Variants in ADD3 observed in about 807,000 individuals in gnomAD.
ADD3 encodes adducin 3.
Under a neutral mutation model 80.2 loss-of-function variants are expected in ADD3, and 25 were observed. The observed-to-expected ratio is 0.31, with a 90% confidence interval of 0.23 to 0.44. The LOEUF (loss-of-function observed/expected upper bound fraction) is 0.44. Ranked by LOEUF, ADD3 falls within the 20% of genes least tolerant of loss-of-function variation. The probability of loss-of-function intolerance (pLI) is 1.00; values close to 1 mark genes in which losing one functional copy is unlikely to be tolerated. For synonymous variants in ADD3, 284 were observed against 289.6 expected, an observed-to-expected ratio of 0.98 and a Z score of 0.20; for missense variants, 829 against 847.5, an observed-to-expected ratio of 0.98 and a Z score of 0.27.
chr10:110,071,939 A>G (rs1844768942), intron 1 of ADD3, among the ~76,000 whole-genome samples: 1 of 152,224 alleles, frequency 6.6e-6, no homozygotes, highest in Admixed American at 6.5e-5. Context: ...TATTTCACTT[A>G]TCCCCAACCT....
At chr10:110,075,320 G>A (rs1845262278) in intron 1 of ADD3, among the ~76,000 whole-genome samples, 1 of 151,902 alleles carries the variant, frequency 6.6e-6, no homozygotes, top group South Asian at 2.1e-4. Context: ...CTCTGTGATT[G>A]GGGTGTTTTT....
At chr10:110,021,690 G>T (rs1400808368) in intron 1 of ADD3, among the ~76,000 whole-genome samples, 2 of 152,178 alleles carry the variant, frequency 1.3e-5, no homozygotes, top group African/African-American at 4.8e-5. Flanking sequence ...ATTAGTGGTT[G>T]TCAGGAGCTG....
chr10:110,099,629 G>A (rs1265250119), intron 1 of ADD3, among the ~76,000 whole-genome samples: 1 of 152,212 alleles, frequency 6.6e-6, no homozygotes, highest in Non-Finnish European at 1.5e-5. Flanking sequence ...AATATAAAAT[G>A]TTTGAAAGCC....
At chr10:110,055,854 C>G (rs1858124136) in intron 1 of ADD3, among the ~76,000 whole-genome samples, 1 of 152,150 alleles carries the variant, frequency 6.6e-6, no homozygotes, top group Admixed American at 6.5e-5. Context: ...TTACACAGCT[C>G]CTTCTAATCA....
intron 1 of ADD3, among the ~76,000 whole-genome samples, chr10:110,028,973 G>A (rs1176160797): frequency 1.3e-5 from 2 of 150,832 alleles, no homozygotes; most frequent in African/African-American, 2.4e-5. Flanking sequence ...TCCGCCTCCC[G>A]GGTTCAAGCA....
At chr10:110,033,105 T>C (rs1855247139) in intron 1 of ADD3, among the ~76,000 whole-genome samples, 1 of 152,222 alleles carries the variant, frequency 6.6e-6, no homozygotes. Flanking sequence ...GATTATATAA[T>C]GTGTGTGAGC....
rs187386521 is a variant in ADD3 at position 110,121,442 on chromosome 10, C to T, written c.961-668C>T. On this transcript the variant is annotated intron_variant, in intron 8 of 14. Coordinates refer to ENST00000356080, the MANE Select transcript of ADD3 (RefSeq NM_016824.5). ...AGTTTGCAGTGAGCCGATATCGTGC[C>T]ATTGCACTCCAGCCTGGGCAACAAG... is the stretch of plus-strand genomic sequence containing the variant. Among the ~76,000 whole-genome samples the T allele has an allele frequency of 3.8e-4, 58 of 152,294 alleles. 1 individual carries two copies. The East Asian group carries it at 0.01, about 27-fold the overall frequency.
intron 1 of ADD3, among the ~76,000 whole-genome samples, chr10:110,011,252 A>G (rs935211421): frequency 6.6e-6 from 1 of 152,212 alleles, no homozygotes; most frequent in African/African-American, 2.4e-5. Flanking sequence ...AGTTTGTTCT[A>G]AATACCACCT....
At chr10:110,066,565 G>T (rs1843984678) in intron 1 of ADD3, among the ~76,000 whole-genome samples, 1 of 151,960 alleles carries the variant, frequency 6.6e-6, no homozygotes, top group South Asian at 2.1e-4. Context: ...CTCTGTTAAG[G>T]GATAGATTTT....
intron 1 of ADD3, among the ~76,000 whole-genome samples, chr10:110,061,895 C>G (rs1256107464): frequency 3.3e-5 from 5 of 152,006 alleles, no homozygotes; most frequent in Admixed American, 2.0e-4. Flanking sequence ...GAACTAGAAC[C>G]TAGTTCTGCT....
At chr10:110,011,565 C>A (rs1852332490) in intron 1 of ADD3, among the ~76,000 whole-genome samples, 1 of 152,200 alleles carries the variant, frequency 6.6e-6, no homozygotes, top group Non-Finnish European at 1.5e-5. Flanking sequence ...GTTTCTCACA[C>A]TAAACACTGT....
intron 10 of ADD3, 200 bp from the exon 11 acceptor site, chr10:110,125,626 G>A (rs143331446): frequency 2.8e-6 from 1 of 359,936 alleles, no homozygotes; most frequent in South Asian, 8.2e-5. Context: ...AATCGTAATG[G>A]CATTTATTTT....
At chr10:110,092,868 G>C (rs1198029609) in intron 1 of ADD3, among the ~76,000 whole-genome samples, 1 of 151,820 alleles carries the variant, frequency 6.6e-6, no homozygotes, top group Non-Finnish European at 1.5e-5. Flanking sequence ...GATTTTTCTT[G>C]GAGGCTGGAG....
rs139823533 is a variant in ADD3, at chr10:110,122,209, G to C, written c.1060G>C (p.Gly354Arg). 1.7e-4 allele frequency: 280 copies of C among 1,614,152 alleles called. No homozygotes were observed. The African/African-American group carries it at 3.4e-3, about 20-fold the overall frequency. The change falls in exon 9 of 15, where the codon GGA becomes CGA. Residue 354 changes from glycine (G) to arginine (R), a missense_variant. Coordinates refer to ENST00000356080, the MANE Select transcript of ADD3 (RefSeq NM_016824.5). ...FTYTVAASGGGGVNMGSHQKW... is the reference protein window; with the variant it reads ...FTYTVAASGGRGVNMGSHQKW... ...TTACACTGTAGCAGCGTCTGGTGGAGGAGGTGTGAATATGGGTTCCCATCA... is the reference window on the plus strand; with the variant it reads ...TTACACTGTAGCAGCGTCTGGTGGACGAGGTGTGAATATGGGTTCCCATCA...
intron 1 of ADD3, among the ~76,000 whole-genome samples, chr10:110,031,154 G>GTCC (rs1854968905): frequency 6.6e-6 from 1 of 152,166 alleles, no homozygotes; most frequent in Non-Finnish European, 1.5e-5. Flanking sequence ...CATGCCTGTA[G>GTCC]TCCTAGCTAC....
chr10:110,068,419 A>G (rs1056502941), intron 1 of ADD3, among the ~76,000 whole-genome samples: 3 of 152,244 alleles, frequency 2.0e-5, no homozygotes, highest in Admixed American at 1.3e-4. Context: ...AACTACTTAC[A>G]TAGCATTTAC....
At chr10:110,116,116 TAA>T (rs1420002623) in intron 3 of ADD3, 141 bp from the exon 4 acceptor site, 2 of 721,656 alleles carry the variant, frequency 2.8e-6, no homozygotes, top group Admixed American at 3.0e-5. Flanking sequence ...AATAAGCTAA[TAA>T]AATATTATAT....
intron 2 of ADD3, among the ~76,000 whole-genome samples, chr10:110,108,877 A>AT (rs34334427): frequency 2.0e-5 from 3 of 151,952 alleles, no homozygotes; most frequent in Non-Finnish European, 4.4e-5. Context: ...TTGAAAAAAA[A>AT]TTTTTTTTAT....
intron 1 of ADD3, among the ~76,000 whole-genome samples, chr10:110,062,152 C>T (rs994039730): frequency 6.3e-5 from 8 of 126,414 alleles, no homozygotes; most frequent in South Asian, 2.6e-4. Flanking sequence ...CACCTGAGGT[C>T]GGGAGTTCAA....
Sources: gnomAD v4.1 joint callset for allele counts (sites outside exome capture counted in the v4.1 genomes callset) on GRCh38, gnomAD v4.1.1 for gene constraint, MANE v1.5 for transcripts, NCBI Gene and HGNC (gene_info 2026-07-23, HGNC 2026-07-21) for gene names.